The following MON2 variants were observed in gnomAD, a reference collection of about 807,000 sequenced individuals.
The protein encoded by MON2 is protein MON2 homolog.
Under a neutral mutation model 208.6 loss-of-function variants are expected in MON2, and 84 were observed. The ratio of observed to expected loss-of-function variants is 0.40; its 90% CI spans 0.34 to 0.48. The LOEUF is 0.48. Ranked by LOEUF, MON2 falls within the 20% of genes least tolerant of loss-of-function variation. The probability of loss-of-function intolerance (pLI) is 0.59; values close to 1 mark genes in which losing one functional copy is unlikely to be tolerated. For missense variants in MON2, 1,611 were observed against 2,015.4 expected, an observed-to-expected ratio of 0.80 and a Z score of 3.84; for synonymous variants, 660 against 694.0, an observed-to-expected ratio of 0.95 and a Z score of 0.77.
intron 1 of MON2, among the ~76,000 whole-genome samples, chr12:62,473,541 C>T (rs1041502611): frequency 2.0e-5 from 3 of 152,052 alleles, no homozygotes; most frequent in African/African-American, 7.2e-5. Flanking sequence ...CCTGTTTCCC[C>T]TCTCAGTATT....
intron 9 of MON2, 78 bp downstream of exon 9, chr12:62,524,717 A>G: frequency 7.5e-7 from 1 of 1,332,884 alleles, no homozygotes; most frequent in South Asian, 1.4e-5. Flanking sequence ...ATAGGTTAAT[A>G]AACTAGTCAG....
At chr12:62,569,950 T>C (rs191033099) in intron 29 of MON2, among the ~76,000 whole-genome samples, 62 of 152,342 alleles carry the variant, frequency 4.1e-4, no homozygotes, top group Admixed American at 1.3e-4. Context: ...CCTTGAAATA[T>C]GAAAATTTTT....
At chr12:62,547,873 A>G (rs2073564164) in intron 22 of MON2, among the ~76,000 whole-genome samples, 1 of 152,206 alleles carries the variant, frequency 6.6e-6, no homozygotes, top group African/African-American at 2.4e-5. Flanking sequence ...CCCGGTGTGT[A>G]GTAGGTTATA....
chr12:62,543,558 A>G (rs1419898863), intron 20 of MON2, among the ~76,000 whole-genome samples: 3 of 151,738 alleles, frequency 2.0e-5, no homozygotes. Context: ...TTAATAGTAA[A>G]CACTGCTCAT....
chr12:62,568,308 A>G (rs2074458195), intron 29 of MON2, among the ~76,000 whole-genome samples: 1 of 152,192 alleles, frequency 6.6e-6, no homozygotes, highest in African/African-American at 2.4e-5. Flanking sequence ...TTGAAGGATT[A>G]AACACTACAA....
In MON2 at chr12:62,552,880, G is replaced by A; in HGVS notation, c.2917-1G>A. ...TAATATTTTTCTACTTTGCTTTTTA[G>A]TGGAATATTTCAGATTATTTTTTCC... On this transcript the variant is annotated splice_acceptor_variant, in intron 23 of 34. Transcript: ENST00000393630. LOFTEE classifies it high-confidence loss of function. 6.2e-7 allele frequency: 1 copy of A among 1,607,974 alleles called. No individual in the cohort carries two copies. The highest frequency in any genetic ancestry group is 8.5e-7 in the Non-Finnish European group (1 of 1,175,646).
chr12:62,541,156 C>T (rs1234606946), intron 19 of MON2, among the ~76,000 whole-genome samples: 1 of 151,936 alleles, frequency 6.6e-6, no homozygotes, highest in Non-Finnish European at 1.5e-5. Context: ...CTGAGGTGGG[C>T]GGATCACCTG....
intron 13 of MON2, 50 bp from the exon 14 acceptor site, chr12:62,535,475 A>C (rs745621235): frequency 1.1e-5 from 14 of 1,328,530 alleles, no homozygotes; most frequent in Middle Eastern, 1.9e-4. Context: ...ATGCTTTACA[A>C]TGTAATTAAA....
intron 13 of MON2, 53 bp downstream of exon 13, chr12:62,534,979 A>C (rs1030260625): frequency 1.1e-5 from 13 of 1,209,940 alleles, no homozygotes; most frequent in Non-Finnish European, 1.6e-5. Context: ...AAAAAAACAC[A>C]TTAAAATGGT....
intron 1 of MON2, among the ~76,000 whole-genome samples, chr12:62,473,360 C>G (rs564655101): frequency 1.3e-5 from 2 of 152,140 alleles, no homozygotes; most frequent in Admixed American, 1.3e-4. Flanking sequence ...CCATGTGAGT[C>G]CATCTCTAAC....
intron 11 of MON2, among the ~76,000 whole-genome samples, chr12:62,526,827 ATAAT>A (rs1172771196): frequency 6.6e-6 from 1 of 152,120 alleles, no homozygotes; most frequent in Non-Finnish European, 1.5e-5. Context: ...ATTGGTATGT[ATAAT>A]TAAAACTATC....
rs185959477 is a variant in MON2, at chr12:62,592,720, G to C, written c.5125G>C (p.Ala1709Pro). 5.3e-5 allele frequency: 84 copies of C among 1,599,570 alleles called. No homozygotes were observed. Among genetic ancestry groups the C allele is most frequent in the Admixed American group, 3.3e-4 (20 of 59,890 alleles). Residue 1709 changes from alanine to proline, a missense_variant, in exon 35 of 35, where the codon GCA (alanine) becomes CCA (proline). Physicochemically the swap from Ala to Pro is conservative, Grantham distance 27. Transcript: ENST00000393630. ...VPFKDFMQPP[A>P]SRVQNGES ...TTTTAAGGATTTCATGCAGCCACCA[G>C]CATCCAGAGTTCAAAATGGAGAATC... is the stretch of plus-strand genomic sequence containing the variant.
rs560110559 is a variant in MON2 at position 62,520,998 on chromosome 12, A to T, written c.985-3517A>T. 2.7e-3 allele frequency among the ~76,000 whole-genome samples: 170 copies of T among 62,606 alleles called. 1 individual carries two copies. Among genetic ancestry groups the T allele is most frequent in the African/African-American group, 9.9e-3 (158 of 15,936 alleles). 41.1% of individuals were successfully genotyped at this position (62,606 alleles called of 152,430 possible). On this transcript the variant is annotated intron_variant, in intron 8 of 34. Coordinates refer to ENST00000393630, the MANE Select transcript of MON2 (RefSeq NM_015026.3). ...TTTTGTTTATTATGGCTCTTTTTTA[A>T]AAAAAAAATTAATCTTTTTTTTTAA... is the stretch of plus-strand genomic sequence containing the variant.
At position 62,566,602 on chromosome 12, in the gene MON2, T is replaced by C. The variant is rs192717852; in HGVS notation, c.4323+152T>C. 43 of 883,288 alleles carry C rather than the reference T, an allele frequency of 4.9e-5. 1 individual carries two copies. In the East Asian group the frequency reaches 1.3e-3, roughly 26 times the overall value. The allele number at this position is 883,288 out of a possible 1,614,324, so 54.7% of individuals were successfully genotyped here. ...ACTTTTCTCCAATATTCATGAATTG[T>C]ATTTAGCAAGCCATTTTTCTAAAAG... On this transcript the variant is annotated intron_variant, in intron 29 of 34. Coordinates refer to ENST00000393630, the MANE Select transcript of MON2 (RefSeq NM_015026.3).
intron 7 of MON2, among the ~76,000 whole-genome samples, chr12:62,506,051 T>G (rs1463701909): frequency 6.6e-6 from 1 of 152,140 alleles, no homozygotes; most frequent in Non-Finnish European, 1.5e-5. Flanking sequence ...GAAACCCAAC[T>G]GTAGTGAGTT....
rs2075457593 is a variant in MON2, at chr12:62,593,511, A to G, written c.*762A>G. On this transcript the variant is annotated 3_prime_UTR_variant, in exon 35 of 35. Coordinates refer to ENST00000393630, the MANE Select transcript of MON2 (RefSeq NM_015026.3). ...ATGTGAACACAGCAGCAAATAGTTT[A>G]TGATTTGCTGATTTTGGAGCTTTGA... 1 of 152,590 alleles carries G rather than the reference A, an allele frequency of 6.6e-6. No individual in the cohort carries two copies. Among genetic ancestry groups the G allele is most frequent in the Admixed American group, 6.5e-5 (1 of 15,280 alleles). 9.5% of individuals were successfully genotyped at this position (152,590 alleles called of 1,614,324 possible).
intron 1 of MON2, among the ~76,000 whole-genome samples, chr12:62,471,635 G>A (rs572027247): frequency 5.3e-5 from 8 of 152,166 alleles, no homozygotes; most frequent in Non-Finnish European, 1.2e-4. Flanking sequence ...CATAGAATTG[G>A]ATGAAATGGG....
chr12:62,555,125 A>G (rs1012220285), intron 24 of MON2, among the ~76,000 whole-genome samples: 2 of 152,000 alleles, frequency 1.3e-5, no homozygotes, highest in African/African-American at 4.8e-5. Context: ...ACATTAACCC[A>G]TAAATTCTCC....
intron 12 of MON2, among the ~76,000 whole-genome samples, chr12:62,533,374 T>C (rs1039670104): frequency 2.0e-5 from 3 of 152,268 alleles, no homozygotes; most frequent in African/African-American, 7.2e-5. Context: ...AGATTGCTAC[T>C]ACAAAAGAGT....
Sources: allele counts gnomAD v4.1 joint callset (sites outside exome capture counted in the v4.1 genomes callset), GRCh38; gene constraint gnomAD v4.1.1; transcripts MANE v1.5; gene names NCBI Gene and HGNC (gene_info 2026-07-23, HGNC 2026-07-21).